MAP7: variants seen among roughly 807,000 people sequenced by gnomAD.
MAP7 encodes microtubule associated protein 7.
MAP7 carries 52 observed loss-of-function variants against 94.8 expected under a neutral mutation model. The observed-to-expected ratio is 0.55, with a 90% CI of 0.44 to 0.69. The LOEUF is 0.69. Ranked by LOEUF, MAP7 falls within the 30% of genes least tolerant of loss-of-function variation. MAP7 has a pLI of 0.00. For missense variants in MAP7, 940 were observed against 964.6 expected (o/e 0.97, Z 0.34); for synonymous variants, 350 against 357.0 (o/e 0.98, Z 0.22).
At chr6:136,438,692 A>G (rs1157625304) in intron 1 of MAP7, among the ~76,000 whole-genome samples, 2 of 152,248 alleles carry the variant, frequency 1.3e-5, no homozygotes, top group African/African-American at 4.8e-5. Flanking sequence ...ATTGATGAAT[A>G]CACAATACAG....
chr6:136,550,357 C>G lies in MAP7; in HGVS notation c.52G>C (p.Val18Leu), dbSNP rs768219481. 1 of 1,528,062 alleles carries G rather than the reference C, an allele frequency of 6.5e-7. No individual in the cohort carries two copies. Among genetic ancestry groups the G allele is most frequent in the Non-Finnish European group, 8.7e-7 (1 of 1,145,924 alleles). The allele number at this position is 1,528,062 out of a possible 1,614,324, so 94.7% of individuals were successfully genotyped here. ...GTGCGGTCACCTGTTTCGCTTCGCA[C>G]TGCGCCGTCGCCGCCCCTGTGGCCG... is the stretch of plus-strand genomic sequence containing the variant. ...GDGHRGGDGA[V>L]RSETAPDSYK... Residue 18 changes from valine to leucine, a missense_variant, in exon 1 of 18, where the codon GTG (valine) becomes CTG (leucine). Coordinates refer to ENST00000354570, the MANE Select transcript of MAP7 (RefSeq NM_003980.6). The surrounding 1 kb of genome is among the most constrained non-coding windows in gnomAD (Gnocchi z 5.1).
chr6:136,499,031 C>A lies in MAP7; in HGVS notation c.67+51311G>T, dbSNP rs549686494. ...TCAAGAGATTCTCGTGCCTCTGCCCCCCAGGTAACCCCCAGGTAGCTGGGA... is the reference window on the plus strand; with the variant it reads ...TCAAGAGATTCTCGTGCCTCTGCCCACCAGGTAACCCCCAGGTAGCTGGGA... On this transcript the variant is annotated intron_variant, in intron 1 of 17. Transcript: ENST00000354570. Among the ~76,000 whole-genome samples the A allele has an allele frequency of 2.6e-4, 40 of 152,158 alleles. No individual in the cohort carries two copies. In the South Asian group the frequency reaches 8.1e-3, roughly 31 times the overall value.
intron 1 of MAP7, among the ~76,000 whole-genome samples, chr6:136,488,724 T>G (rs187102466): frequency 6.6e-6 from 1 of 152,226 alleles, no homozygotes; most frequent in Non-Finnish European, 1.5e-5. Flanking sequence ...ATTACAGGCA[T>G]GAGCCACCAT....
chr6:136,495,311 G>GA (rs1817854425), intron 1 of MAP7, among the ~76,000 whole-genome samples: 1 of 152,180 alleles, frequency 6.6e-6, no homozygotes, highest in South Asian at 2.1e-4. Context: ...AATCCTCTCA[G>GA]AAAAATGCAT....
At chr6:136,362,973 T>C (rs1375356160) in intron 10 of MAP7, among the ~76,000 whole-genome samples, 2 of 152,234 alleles carry the variant, frequency 1.3e-5, no homozygotes, top group East Asian at 3.9e-4. Flanking sequence ...TTAACATATA[T>C]TGAATGTGTA....
intron 1 of MAP7, among the ~76,000 whole-genome samples, chr6:136,460,489 T>C (rs1804840796): frequency 6.6e-6 from 1 of 152,198 alleles, no homozygotes; most frequent in African/African-American, 2.4e-5. Flanking sequence ...ACAAACATTT[T>C]TGTCAGCTGA....
intron 2 of MAP7, among the ~76,000 whole-genome samples, chr6:136,415,050 A>G (rs2128750981): frequency 6.6e-6 from 1 of 152,094 alleles, no homozygotes; most frequent in Admixed American, 6.5e-5. Flanking sequence ...ACCTCAGATG[A>G]TCCATCAGCC....
intron 2 of MAP7, chr6:136,419,972 T>TA: frequency 4.3e-6 from 3 of 700,146 alleles, no homozygotes; most frequent in Non-Finnish European, 5.3e-6. Context: ...GAGTGTCTGG[T>TA]TACAATAACT....
intron 1 of MAP7, among the ~76,000 whole-genome samples, chr6:136,535,014 T>C (rs1298203153): frequency 1.3e-5 from 2 of 152,162 alleles, no homozygotes; most frequent in Non-Finnish European, 2.9e-5. Context: ...TTAAACTTTA[T>C]TTTTTGGTTT....
chr6:136,536,723 C>A (rs1367041472), intron 1 of MAP7, among the ~76,000 whole-genome samples: 1 of 152,182 alleles, frequency 6.6e-6, no homozygotes, highest in South Asian at 2.1e-4. Flanking sequence ...CTTTATCTAG[C>A]ACACTGGAAA....
At chr6:136,490,653 C>T (rs185926092) in intron 1 of MAP7, among the ~76,000 whole-genome samples, 10 of 152,334 alleles carry the variant, frequency 6.6e-5, no homozygotes, top group South Asian at 2.1e-4. Flanking sequence ...TGATTTCAGA[C>T]GTCAGCACAT....
intron 1 of MAP7, among the ~76,000 whole-genome samples, chr6:136,501,361 G>A (rs1362295083): frequency 6.6e-6 from 1 of 152,194 alleles, no homozygotes; most frequent in African/African-American, 2.4e-5. Flanking sequence ...GGGCCTGAAA[G>A]CTGCTCCACC....
At chr6:136,498,288 T>C (rs1207746481) in intron 1 of MAP7, among the ~76,000 whole-genome samples, 1 of 152,044 alleles carries the variant, frequency 6.6e-6, no homozygotes, top group African/African-American at 2.4e-5. Flanking sequence ...AACTGTGATG[T>C]TCATCATCAG....
chr6:136,366,251 C>T, intron 9 of MAP7, 76 bp downstream of exon 9: 1 of 1,229,618 alleles, frequency 8.1e-7, no homozygotes, highest in Non-Finnish European at 1.2e-6. Flanking sequence ...ATGAGAAGAA[C>T]AGTTCACTTT....
intron 1 of MAP7, chr6:136,466,980 T>G: frequency 8.4e-7 from 1 of 1,184,028 alleles, no homozygotes; most frequent in Non-Finnish European, 1.1e-6. Flanking sequence ...ACAGCCACTG[T>G]TTTTAAACAG....
intron 1 of MAP7, among the ~76,000 whole-genome samples, chr6:136,505,369 T>G (rs1451280108): frequency 7.5e-6 from 1 of 132,934 alleles, no homozygotes; most frequent in Non-Finnish European, 1.6e-5. Flanking sequence ...GGGAGGGAGA[T>G]AGGGAGAGGA....
At chr6:136,406,185 A>T (rs1459753593) in intron 3 of MAP7, among the ~76,000 whole-genome samples, 1 of 152,204 alleles carries the variant, frequency 6.6e-6, no homozygotes, top group African/African-American at 2.4e-5. Flanking sequence ...TTCTAAGTTC[A>T]TAAAGACAGA....
In MAP7 at chr6:136,375,148, G is replaced by A. The variant is rs569217927; in HGVS notation, c.752-2523C>T. The stretch of plus-strand genomic sequence containing the variant: ...GGTCAAGTAGTTGAAATGTAGCATA[G>A]CAAAAAGAAAAATGGCATAATATGG... On this transcript the variant is annotated intron_variant, in intron 7 of 17. Transcript: ENST00000354570. Among the ~76,000 whole-genome samples, 30 of 152,206 alleles carry A rather than the reference G, an allele frequency of 2.0e-4. No homozygotes were observed. In the South Asian group the frequency reaches 2.7e-3, roughly 14 times the overall value.
chr6:136,401,070 T>G (rs1783928212), intron 3 of MAP7, among the ~76,000 whole-genome samples: 1 of 152,138 alleles, frequency 6.6e-6, no homozygotes, highest in Non-Finnish European at 1.5e-5. Flanking sequence ...ATCTCTCAGC[T>G]GGGTGCAGTG....
Sources: gnomAD v4.1 joint callset for allele counts (sites outside exome capture counted in the v4.1 genomes callset) on GRCh38, gnomAD v4.1.1 for gene constraint, Gnocchi (gnomAD v3.1) non-coding constraint, MANE v1.5 for transcripts, NCBI Gene and HGNC (gene_info 2026-07-23, HGNC 2026-07-21) for gene names.